FHIP1B: variants seen among roughly 807,000 people sequenced by gnomAD.
FHIP1B encodes FHF complex subunit HOOK interacting protein 1B.
A neutral mutation model predicts 82.2 loss-of-function variants in FHIP1B; 28 were observed. That is an observed-to-expected ratio of 0.34 (90% CI 0.25 to 0.47). FHIP1B has a LOEUF of 0.47. Among genes scored for constraint, FHIP1B ranks in the 20% least tolerant of loss-of-function variants. FHIP1B has a pLI of 1.00. For missense variants in FHIP1B, 1,110 were observed against 1,262.6 expected (o/e 0.88, Z 1.83); for synonymous variants, 585 against 516.1 (o/e 1.13, Z -1.81).
intron 7 of FHIP1B, 50 bp from the exon 8 acceptor site, chr11:6,218,813 C>T (rs1403045811): frequency 1.2e-6 from 2 of 1,602,634 alleles, no homozygotes. Flanking sequence ...GAAGGAAGGA[C>T]AGGGCCTAGA....
rs372584975 is a variant in FHIP1B, at chr11:6,218,941, G to C, written c.1271+30C>G. On this transcript the variant is annotated intron_variant, in intron 7 of 11. Transcript: ENST00000449352. Reference sequence around the variant, plus strand: ...ATAAGACTCTGAGGCTTCAGGGTCAGCCATCCCTCAGCCCTGCCCCAACAG... The same window carrying C: ...ATAAGACTCTGAGGCTTCAGGGTCACCCATCCCTCAGCCCTGCCCCAACAG... The C allele has an allele frequency of 9.9e-6, 16 of 1,610,570 alleles. No homozygotes were observed. The African/African-American group carries it at 2.1e-4, about 22-fold the overall frequency.
intron 1 of FHIP1B, among the ~76,000 whole-genome samples, chr11:6,224,986 A>G (rs1847523706): frequency 6.6e-6 from 1 of 152,158 alleles, no homozygotes; most frequent in Non-Finnish European, 1.5e-5. Flanking sequence ...TACTTCCAAT[A>G]TCCAGTTCAT....
chr11:6,226,681 CT>C (rs1412677001), intron 1 of FHIP1B, among the ~76,000 whole-genome samples: 1 of 152,160 alleles, frequency 6.6e-6, no homozygotes, highest in Non-Finnish European at 1.5e-5. Context: ...TAATCACAGA[CT>C]ATTCAGAGAA....
chr11:6,234,606 C>G lies in FHIP1B; in HGVS notation c.-254G>C, dbSNP rs1361378861. ...TTGCTGCTGCGGTGTTAGGTGAGTT[C>G]AGGCCGCCGCCATCGCTTCTCAAGC... is the stretch of plus-strand genomic sequence containing the variant. On this transcript the variant is annotated 5_prime_UTR_variant, in exon 1 of 12. An upstream open reading frame in the 5' UTR loses its in-frame stop. Coordinates refer to ENST00000449352, the MANE Select transcript of FHIP1B (RefSeq NM_001098794.2). 1.3e-5 allele frequency: 2 copies of G among 153,004 alleles called. No homozygotes were observed. The highest frequency in any genetic ancestry group is 4.8e-5 in the African/African-American group (2 of 41,470). The allele number at this position is 153,004 out of a possible 1,614,324, so 9.5% of individuals were successfully genotyped here. A position where few individuals can be genotyped will look rare whatever the true frequency, so the allele number is the denominator to read the frequency against.
chr11:6,223,722 C>G lies in FHIP1B; in HGVS notation c.665G>C (p.Arg222Pro). Reference protein sequence around the residue: ...LFSRLVPFVHREGTLGQQARD... With the variant: ...LFSRLVPFVHPEGTLGQQARD... ...GGCCTGCTGGCCCAGGGTGCCCTCTCGATGCACAAAAGGGACAAGGCGAGA... is the reference window on the plus strand; with the variant it reads ...GGCCTGCTGGCCCAGGGTGCCCTCTGGATGCACAAAAGGGACAAGGCGAGA... The change falls in exon 3 of 12, where the codon CGA (arginine) becomes CCA (proline). Residue 222 changes from arginine to proline, a missense_variant. By Grantham distance (103) the Arg-to-Pro change is moderately radical. This residue lies in a region of FHIP1B where 467 missense variants were observed against 602.9 expected (regional missense o/e 0.77). Transcript: ENST00000449352. This position sits in a 1 kb window ranked among gnomAD's most constrained non-coding sequence, Gnocchi z 4.8. The G allele has an allele frequency of 6.2e-7, 1 of 1,614,176 alleles. No individual in the cohort carries two copies. Among genetic ancestry groups the G allele is most frequent in the Non-Finnish European group, 8.5e-7 (1 of 1,180,022 alleles).
At chr11:6,232,863 T>A (rs889235819) in intron 1 of FHIP1B, among the ~76,000 whole-genome samples, 9 of 152,102 alleles carry the variant, frequency 5.9e-5, no homozygotes, top group African/African-American at 9.7e-5. Context: ...TTTTTTTTTT[T>A]AACCCACCAT....
intron 6 of FHIP1B, 23 bp downstream of exon 6, chr11:6,222,419 T>C: frequency 4.3e-6 from 7 of 1,612,564 alleles, no homozygotes; most frequent in South Asian, 1.1e-5. Context: ...CCAGGTAAGC[T>C]AGGACAGGGG....
At chr11:6,213,591 C>T (rs1408165478) in intron 11 of FHIP1B, among the ~76,000 whole-genome samples, 1 of 152,328 alleles carries the variant, frequency 6.6e-6, no homozygotes, top group East Asian at 1.9e-4. Context: ...GTACTAAAGA[C>T]AATGCCCGGC....
chr11:6,229,125 G>A (rs988157578), intron 1 of FHIP1B, among the ~76,000 whole-genome samples: 5 of 152,106 alleles, frequency 3.3e-5, no homozygotes, highest in African/African-American at 7.2e-5. Flanking sequence ...TTTCTCAATC[G>A]TATCTCATTT....
chr11:6,218,052 C>G lies in FHIP1B; in HGVS notation c.1534G>C (p.Gly512Arg). The G allele has an allele frequency of 6.2e-7, 1 of 1,613,430 alleles. No individual in the cohort carries two copies. The highest frequency in any genetic ancestry group is 8.5e-7 in the Non-Finnish European group (1 of 1,179,752). The change falls in exon 9 of 12, where the codon GGT (glycine) becomes CGT (arginine). Residue 512 changes from glycine (G) to arginine (R), a missense_variant. By Grantham distance (125) the Gly-to-Arg change is moderately radical (BLOSUM62 -2). This residue lies in a region of FHIP1B where 418 missense variants were observed against 371.4 expected (regional missense o/e 1.13). Transcript: ENST00000449352. ...GCTGGGCCTGGAGACTCAGAGCCAC[C>G]CAGGCTCTGCTGCCGCAGGAAGAGA... ...LALFLRQQSL[G>R]GSESPGPAPC...
intron 6 of FHIP1B, 76 bp downstream of exon 6, chr11:6,222,366 A>C: frequency 6.6e-7 from 1 of 1,511,832 alleles, no homozygotes; most frequent in Non-Finnish European, 9.1e-7. Context: ...GAAGGGCAGG[A>C]ATACCCTCCC....
chr11:6,226,890 T>G (rs981111480), intron 1 of FHIP1B, among the ~76,000 whole-genome samples: 8 of 152,218 alleles, frequency 5.3e-5, no homozygotes, highest in African/African-American at 1.2e-4. Flanking sequence ...AGAGATGGAT[T>G]GCAGTGGACA....
Position 6,224,712 on chromosome 11 carries a change from T to C in FHIP1B, c.-191-5A>G. The C allele has an allele frequency of 1.7e-6, 1 of 581,342 alleles. No homozygotes were observed. Among genetic ancestry groups the C allele is most frequent in the Non-Finnish European group, 3.0e-6 (1 of 332,934 alleles). 36.0% of individuals were successfully genotyped at this position (581,342 alleles called of 1,614,324 possible). A position where few individuals can be genotyped will look rare whatever the true frequency, so the allele number is the denominator to read the frequency against. On this transcript the variant is annotated splice_region_variant and splice_polypyrimidine_tract_variant and intron_variant, in intron 1 of 11. Coordinates refer to ENST00000449352, the MANE Select transcript of FHIP1B (RefSeq NM_001098794.2). Reference sequence around the variant, plus strand: ...GGCCAGTCCAGATTTCTAAATCTAATTCAGAGAAGAGATAATGGAAGGGAT... The same window carrying C: ...GGCCAGTCCAGATTTCTAAATCTAACTCAGAGAAGAGATAATGGAAGGGAT...
chr11:6,234,186 C>A (rs1847778301), intron 1 of FHIP1B, among the ~76,000 whole-genome samples: 1 of 152,082 alleles, frequency 6.6e-6, no homozygotes, highest in Non-Finnish European at 1.5e-5. Context: ...CACCAATTTG[C>A]CGCCACCCCG....
chr11:6,228,756 G>A (rs983915413), intron 1 of FHIP1B, among the ~76,000 whole-genome samples: 1 of 152,224 alleles, frequency 6.6e-6, no homozygotes, highest in Non-Finnish European at 1.5e-5. Context: ...GCACTGCTAA[G>A]TCTTTCATAC....
chr11:6,232,494 ATCT>A (rs1274146727), intron 1 of FHIP1B, among the ~76,000 whole-genome samples: 1 of 152,198 alleles, frequency 6.6e-6, no homozygotes, highest in Admixed American at 6.5e-5. Flanking sequence ...TCTATTATAA[ATCT>A]TCTTTCCCAA....
chr11:6,216,840 C>T (rs1847241374), intron 9 of FHIP1B: 2 of 570,908 alleles, frequency 3.5e-6, no homozygotes, highest in Non-Finnish European at 6.2e-6. Context: ...GAAATCAAGT[C>T]CTTCTTTGAA....
In FHIP1B at chr11:6,224,547, G is replaced by A. The variant is rs1847511019; in HGVS notation, c.-31C>T. On this transcript the variant is annotated 5_prime_UTR_variant, in exon 2 of 12. Coordinates refer to ENST00000449352, the MANE Select transcript of FHIP1B (RefSeq NM_001098794.2). ...AGGCTGGGCAGGACTGGCAGCCAGA[G>A]GCCTACACTCTGAGGATTTGCCAGC... is the stretch of plus-strand genomic sequence containing the variant. The A allele has an allele frequency of 2.5e-6, 4 of 1,576,150 alleles. No individual in the cohort carries two copies. The highest frequency in any genetic ancestry group is 3.4e-6 in the Non-Finnish European group (4 of 1,164,242).
At chr11:6,220,173 A>C (rs1001483148) in intron 6 of FHIP1B, among the ~76,000 whole-genome samples, 18 of 152,180 alleles carry the variant, frequency 1.2e-4, no homozygotes, top group Non-Finnish European at 1.3e-4. Flanking sequence ...ATCCATAGAT[A>C]TCTATTATCT....
Sources: gnomAD v4.1 joint callset for allele counts (sites outside exome capture counted in the v4.1 genomes callset) on GRCh38, gnomAD v4.1.1 for gene constraint, gnomAD v4.1.1 regional missense constraint, Gnocchi (gnomAD v3.1) non-coding constraint, MANE v1.5 for transcripts, NCBI Gene and HGNC (gene_info 2026-07-23, HGNC 2026-07-21) for gene names.